The following RSPRY1 variants were observed in gnomAD, a reference collection of about 807,000 sequenced individuals.
RSPRY1 encodes RING finger and SPRY domain-containing protein 1.
In RSPRY1, 23 loss-of-function variants were observed where a neutral mutation model predicts 73.1. The observed-to-expected ratio is 0.31, with a 90% confidence interval of 0.23 to 0.45. RSPRY1 has a LOEUF of 0.45. RSPRY1 is among the 20% of genes least tolerant of loss of function. RSPRY1 has a pLI of 1.00. For synonymous variants in RSPRY1, 226 were observed against 251.4 expected, an observed-to-expected ratio of 0.90 and a Z score of 0.95; for missense variants, 448 against 698.7, an observed-to-expected ratio of 0.64 and a Z score of 4.05.
At chr16:57,212,321 ACT>A (rs1210650850) in intron 4 of RSPRY1, among the ~76,000 whole-genome samples, 2 of 151,848 alleles carry the variant, frequency 1.3e-5, no homozygotes, top group Non-Finnish European at 2.9e-5. Flanking sequence ...AAAGAAGAAA[ACT>A]CTGCTGGGAT....
chr16:57,227,263 T>A (rs865946712), intron 10 of RSPRY1, 79 bp from the exon 11 acceptor site: 5 of 906,662 alleles, frequency 5.5e-6, no homozygotes, highest in Admixed American at 1.9e-5. Flanking sequence ...ATTAGGTCAG[T>A]GGTCGTAAAA....
At chr16:57,207,290 GGATTAAATGACTTAAGAT>G (rs2074744144) in intron 2 of RSPRY1, among the ~76,000 whole-genome samples, 1 of 151,046 alleles carries the variant, frequency 6.6e-6, no homozygotes, top group Admixed American at 6.6e-5. Flanking sequence ...GTTATTCTCT[GGATTAAATGACTTAAGAT>G]GATAGTTTTT....
At chr16:57,236,171 G>C (rs1015945500) in intron 14 of RSPRY1, among the ~76,000 whole-genome samples, 21 of 152,194 alleles carry the variant, frequency 1.4e-4, no homozygotes, top group Non-Finnish European at 2.9e-4. Context: ...AGAGTTTAAA[G>C]GTTGGATATC....
intron 6 of RSPRY1, among the ~76,000 whole-genome samples, chr16:57,214,210 G>A (rs1327216784): frequency 1.3e-5 from 2 of 152,144 alleles, no homozygotes; most frequent in African/African-American, 4.8e-5. Flanking sequence ...GCTATGATTG[G>A]CTCTTTTGCA....
At chr16:57,238,770 A>G in intron 14 of RSPRY1, 109 bp from the exon 15 acceptor site, 1 of 577,866 alleles carries the variant, frequency 1.7e-6, no homozygotes, top group East Asian at 2.9e-5. Context: ...TATAATTAGT[A>G]ACCCTTTCAA....
chr16:57,206,817 A>T (rs1420123069), intron 2 of RSPRY1, among the ~76,000 whole-genome samples: 1 of 152,190 alleles, frequency 6.6e-6, no homozygotes, highest in Non-Finnish European at 1.5e-5. Flanking sequence ...GTCGAGCTTC[A>T]GCCTCCTTAA....
chr16:57,228,264 C>G (rs1034948359), intron 11 of RSPRY1, among the ~76,000 whole-genome samples: 10 of 99,938 alleles, frequency 1.0e-4, no homozygotes, highest in African/African-American at 4.2e-4. Context: ...CAGAGTGAGA[C>G]TCCATCTCAA....
rs113642823 is a variant in RSPRY1 at position 57,224,174 on chromosome 16, A to G, written c.1161+2759A>G. On this transcript the variant is annotated intron_variant, in intron 10 of 14. Coordinates refer to ENST00000394420, the MANE Select transcript of RSPRY1 (RefSeq NM_133368.3). ...AAGTACAATAGCCGGTGTTTTAGGG[A>G]AACGATCTGGCCAGCATGCAGCCAC... Among the ~76,000 whole-genome samples the G allele has an allele frequency of 7.3e-3, 1,107 of 152,308 alleles. 13 individuals are homozygous for G. The highest frequency in any genetic ancestry group is 0.026 in the African/African-American group (1,067 of 41,560).
chr16:57,225,023 T>G (rs16967855), intron 10 of RSPRY1, among the ~76,000 whole-genome samples: 13,842 of 152,314 alleles, frequency 0.091, 775 homozygotes, highest in East Asian at 0.23. Flanking sequence ...GTTTGAAAGG[T>G]GTGGCAAGGC....
chr16:57,222,534 C>G (rs1003414788), intron 10 of RSPRY1, among the ~76,000 whole-genome samples: 1 of 152,178 alleles, frequency 6.6e-6, no homozygotes, highest in Non-Finnish European at 1.5e-5. Context: ...GTCTGTACTC[C>G]TGTCTGGGGT....
rs1475802419 is a variant in RSPRY1 at position 57,227,515 on chromosome 16, A to T, written c.1273+62A>T. ...TTAAGACATCTGGTTATTATGAGGC[A>T]TTTATTACATTAAGCCTTAAAATGT... On this transcript the variant is annotated intron_variant, in intron 11 of 14. Coordinates refer to ENST00000394420, the MANE Select transcript of RSPRY1 (RefSeq NM_133368.3). 7.1e-6 allele frequency: 8 copies of T among 1,128,988 alleles called. No homozygotes were observed. The African/African-American group carries it at 9.2e-5, about 13-fold the overall frequency. The allele number at this position is 1,128,988 out of a possible 1,614,324, so 69.9% of individuals were successfully genotyped here.
In RSPRY1 at chr16:57,196,776, C is replaced by T. The variant is rs79355163; in HGVS notation, c.-155-7728C>T. ...GTTTTACTCCAGAATCCCTCTCCCCCAGGTAATTTAGTTATTTCTGATTAG... is the reference window on the plus strand; with the variant it reads ...GTTTTACTCCAGAATCCCTCTCCCCTAGGTAATTTAGTTATTTCTGATTAG... On this transcript the variant is annotated intron_variant, in intron 1 of 14. Transcript: ENST00000394420. Among the ~76,000 whole-genome samples, 16 of 152,256 alleles carry T rather than the reference C, an allele frequency of 1.1e-4. No individual in the cohort carries two copies. The East Asian group carries it at 3.1e-3, about 29-fold the overall frequency.
chr16:57,186,299 A>T, upstream of RSPRY1: 3 of 303,248 alleles, frequency 9.9e-6, no homozygotes, highest in Non-Finnish European at 1.4e-5. Flanking sequence ...GGACTGAGGG[A>T]GGGCTGGGGC....
chr16:57,205,102 C>T (rs1597878603), intron 2 of RSPRY1, 94 bp downstream of exon 2: 2 of 858,536 alleles, frequency 2.3e-6, no homozygotes, highest in East Asian at 2.7e-5. Flanking sequence ...TTAGGACATA[C>T]TCGCCAAGCC....
Position 57,227,460 on chromosome 16 carries a change from A to T in RSPRY1, c.1273+7A>T. On this transcript the variant is annotated splice_region_variant and intron_variant, in intron 11 of 14. Transcript: ENST00000394420. The stretch of plus-strand genomic sequence containing the variant: ...CACCCATGCTGGAAAGAAGGTATTC[A>T]TTCCCTCCATTATAAATTTATCAAG... The T allele has an allele frequency of 6.4e-7, 1 of 1,571,866 alleles. No homozygotes were observed. Among genetic ancestry groups the T allele is most frequent in the Non-Finnish European group, 8.8e-7 (1 of 1,141,520 alleles).
chr16:57,221,484 G>A, intron 10 of RSPRY1, 69 bp downstream of exon 10: 1 of 1,452,530 alleles, frequency 6.9e-7, no homozygotes, highest in Non-Finnish European at 9.4e-7. Context: ...GTTGGTGGGT[G>A]GAAAATACTT....
In RSPRY1 at chr16:57,200,713, TCCTCTCTTCCCAGTAGGGGCGGCC is replaced by T. The variant is rs1182895576; in HGVS notation, c.-155-3790_-155-3767del. 6.7e-4 allele frequency among the ~76,000 whole-genome samples: 59 copies of T among 87,892 alleles called. 2 individuals are homozygous for T. The highest frequency in any genetic ancestry group is 2.8e-3 in the African/African-American group (59 of 21,080). The allele number at this position is 87,892 out of a possible 152,430, so 57.7% of individuals were successfully genotyped here. Reference sequence around the variant, plus strand: ...GGGGCGGCTGGCCGGGCAGAGGGGCTCCTCTCTTCCCAGTAGGGGCGGCCGGGCAGAGGCGCCCCTCACCTCCCG... The same window carrying T: ...GGGGCGGCTGGCCGGGCAGAGGGGCTGGGCAGAGGCGCCCCTCACCTCCCG... On this transcript the variant is annotated intron_variant, in intron 1 of 14. Transcript: ENST00000394420.
chr16:57,230,532 A>C (rs1245409266), intron 11 of RSPRY1, among the ~76,000 whole-genome samples, 179 bp from the exon 12 acceptor site: 11 of 152,200 alleles, frequency 7.2e-5, no homozygotes, highest in African/African-American at 2.7e-4. Flanking sequence ...TCTTATTGTT[A>C]CATTAAAATA....
intron 6 of RSPRY1, 50 bp downstream of exon 6, chr16:57,213,996 T>C: frequency 4.0e-6 from 5 of 1,252,208 alleles, no homozygotes; most frequent in Admixed American, 1.7e-5. Context: ...GAAGTGGGCA[T>C]CATCTAGAAC....
Sources: allele counts gnomAD v4.1 joint callset (sites outside exome capture counted in the v4.1 genomes callset), GRCh38; gene constraint gnomAD v4.1.1; transcripts MANE v1.5; gene names NCBI Gene and HGNC (gene_info 2026-07-23, HGNC 2026-07-21).